Variants in RUFY3 observed in about 807,000 individuals in gnomAD.
The protein encoded by RUFY3 is protein RUFY3.
A neutral mutation model predicts 84.0 loss-of-function variants in RUFY3; 34 were observed. The ratio of observed to expected loss-of-function variants is 0.40; its 90% CI spans 0.31 to 0.54. The LOEUF (loss-of-function observed/expected upper bound fraction) is 0.54. RUFY3 is among the 20% of genes least tolerant of loss of function. The probability of loss-of-function intolerance (pLI) is 0.39; values close to 1 mark genes in which losing one functional copy is unlikely to be tolerated. For missense variants in RUFY3, 507 were observed against 736.8 expected, an observed-to-expected ratio of 0.69 and a Z score of 3.61; for synonymous variants, 242 against 252.9, an observed-to-expected ratio of 0.96 and a Z score of 0.41.
At chr4:70,727,830 A>C (rs1718535892) in intron 1 of RUFY3, among the ~76,000 whole-genome samples, 1 of 151,972 alleles carries the variant, frequency 6.6e-6, no homozygotes, top group African/African-American at 2.4e-5. Context: ...TCACCAATAC[A>C]TGTTATGTAT....
chr4:70,733,586 C>A (rs538514443), intron 1 of RUFY3, among the ~76,000 whole-genome samples: 8 of 152,244 alleles, frequency 5.3e-5, no homozygotes, highest in African/African-American at 1.7e-4. Flanking sequence ...TTGAGAGCAA[C>A]TTAAATAGCC....
chr4:70,787,820 G>A (rs1001838110), intron 10 of RUFY3, among the ~76,000 whole-genome samples: 1 of 152,092 alleles, frequency 6.6e-6, no homozygotes, highest in Non-Finnish European at 1.5e-5. Context: ...ATCACAGTAA[G>A]ACAAATGTTT....
At chr4:70,774,913 A>G (rs1421113675) in intron 6 of RUFY3, among the ~76,000 whole-genome samples, 1 of 151,840 alleles carries the variant, frequency 6.6e-6, no homozygotes, top group East Asian at 1.9e-4. Flanking sequence ...CATACCTGTG[A>G]CCTAAATTAT....
At chr4:70,746,805 A>G (rs1027185521) in intron 1 of RUFY3, among the ~76,000 whole-genome samples, 5 of 152,240 alleles carry the variant, frequency 3.3e-5, no homozygotes, top group African/African-American at 1.2e-4. Context: ...TAATGGTTGC[A>G]TACTATATGA....
At position 70,808,365 on chromosome 4, in the gene RUFY3, T is replaced by TAATA. The variant is rs1414058320; in HGVS notation, c.*1707_*1710dup. Among the ~76,000 whole-genome samples the TAATA allele has an allele frequency of 6.6e-6, 1 of 152,210 alleles. No individual in the cohort carries two copies. The highest frequency in any genetic ancestry group is 2.4e-5 in the African/African-American group (1 of 41,454). ...GCAAGAGAAGGCAAAAAACATTACATAATATTTTGATTCTGTTACGTGTGT... is the reference window on the plus strand; with the variant it reads ...GCAAGAGAAGGCAAAAAACATTACATAATAAATATTTTGATTCTGTTACGTGTGT... On this transcript the variant is annotated 3_prime_UTR_variant, in exon 18 of 18. Coordinates refer to ENST00000381006, the MANE Select transcript of RUFY3 (RefSeq NM_001037442.4).
intron 1 of RUFY3, among the ~76,000 whole-genome samples, chr4:70,732,359 T>C (rs1224818834): frequency 6.6e-6 from 1 of 152,226 alleles, no homozygotes; most frequent in Non-Finnish European, 1.5e-5. Context: ...TTATCGTAGA[T>C]ATCCAACAAA....
At chr4:70,772,649 T>TTTTTTATTTTTTTA (rs1179430677) in intron 5 of RUFY3, among the ~76,000 whole-genome samples, 6 of 152,056 alleles carry the variant, frequency 3.9e-5, no homozygotes, top group Non-Finnish European at 5.9e-5. Context: ...TGTGGATTTT[T>TTTTTTATTTTTTTA]TTTTTATTTT....
Position 70,762,633 on chromosome 4 carries a change from A to G in RUFY3, c.293A>G (p.Tyr98Cys), listed in dbSNP as rs780206708. The G allele has an allele frequency of 6.2e-6, 10 of 1,613,960 alleles. No homozygotes were observed. The highest frequency in any genetic ancestry group is 1.7e-4 in the Middle Eastern group (1 of 5,986). ...CTGGGGAGGACTCTTGACTCTGACTATGCACCTCTCCAGCAATTCTTTGTG... is the reference window on the plus strand; with the variant it reads ...CTGGGGAGGACTCTTGACTCTGACTGTGCACCTCTCCAGCAATTCTTTGTG... ...LNLGRTLDSD[Y>C]APLQQFFVVM... The change falls in exon 2 of 18, where the codon TAT becomes TGT. Residue 98 changes from tyrosine (Y) to cysteine (C), a missense_variant. Tyr to Cys is a radical substitution (Grantham distance 194). Coordinates refer to ENST00000381006, the MANE Select transcript of RUFY3 (RefSeq NM_001037442.4).
At position 70,784,859 on chromosome 4, in the gene RUFY3, G is replaced by A; in HGVS notation, c.1051G>A (p.Glu351Lys). ...AAGTGAAGCAAGAAAGCATTTAAAA[G>A]AAGAGACACAATTACGATTGGTAAA... The part of the protein sequence containing the change: ...ALSEARKHLK[E>K]ETQLRLDVEK... The change falls in exon 10 of 18, where the codon GAA (glutamate) becomes AAA (lysine). Residue 351 changes from glutamate to lysine, a missense_variant. By Grantham distance (56) the Glu-to-Lys change is moderately conservative (BLOSUM62 1). Transcript: ENST00000381006. 2 of 1,605,342 alleles carry A rather than the reference G, an allele frequency of 1.2e-6. No individual in the cohort carries two copies. Among genetic ancestry groups the A allele is most frequent in the Non-Finnish European group, 8.5e-7 (1 of 1,176,100 alleles).
At chr4:70,730,418 T>C (rs1306775895) in intron 1 of RUFY3, among the ~76,000 whole-genome samples, 1 of 151,798 alleles carries the variant, frequency 6.6e-6, no homozygotes, top group African/African-American at 2.4e-5. Flanking sequence ...TGAGCCTAGG[T>C]ACAACTATTA....
chr4:70,800,847 A>G (rs568784767), intron 15 of RUFY3, among the ~76,000 whole-genome samples: 20 of 152,216 alleles, frequency 1.3e-4, no homozygotes, highest in Admixed American at 7.2e-4. Flanking sequence ...GCGCCACTGC[A>G]CTCCAGCCTG....
At chr4:70,786,507 T>G (rs1175974194) in intron 10 of RUFY3, among the ~76,000 whole-genome samples, 1 of 152,076 alleles carries the variant, frequency 6.6e-6, no homozygotes, top group Non-Finnish European at 1.5e-5. Context: ...ACCCATCACC[T>G]TAAATATTTG....
intron 1 of RUFY3, among the ~76,000 whole-genome samples, chr4:70,709,892 C>G (rs1308064762): frequency 6.6e-6 from 1 of 152,204 alleles, no homozygotes; most frequent in Non-Finnish European, 1.5e-5. Context: ...TCCCACTCAC[C>G]AAGTAGCAGC....
At position 70,808,499 on chromosome 4, in the gene RUFY3, C is replaced by T. The variant is rs1021619597; in HGVS notation, c.*1840C>T. The stretch of plus-strand genomic sequence containing the variant: ...AACCATGTTTTTTAATAAATTCTGT[C>T]TCTTGGAAAGAGTTAACAACAGCCT... On this transcript the variant is annotated 3_prime_UTR_variant, in exon 18 of 18. Coordinates refer to ENST00000381006, the MANE Select transcript of RUFY3 (RefSeq NM_001037442.4). Among the ~76,000 whole-genome samples the T allele has an allele frequency of 9.9e-5, 15 of 152,010 alleles. No individual in the cohort carries two copies. The highest frequency in any genetic ancestry group is 3.1e-4 in the African/African-American group (13 of 41,402).
At chr4:70,793,527 G>A in intron 12 of RUFY3, 1 of 1,335,678 alleles carries the variant, frequency 7.5e-7, no homozygotes, top group Non-Finnish European at 9.6e-7. Flanking sequence ...GCTGTAAACT[G>A]TAGTACTAGA....
intron 9 of RUFY3, among the ~76,000 whole-genome samples, chr4:70,784,508 A>G (rs1190620571): frequency 6.6e-6 from 1 of 151,936 alleles, no homozygotes; most frequent in Non-Finnish European, 1.5e-5. Context: ...AAAACCTATA[A>G]CCCAACTCAT....
Position 70,778,441 on chromosome 4 carries a change from A to G in RUFY3, c.894+3A>G. ...CCAACACTAAACTGACAGAGGAGGT[A>G]AGTTTTGGAAATGCTTTGATTGACT... On this transcript the variant is annotated splice_donor_region_variant and intron_variant, in intron 8 of 17. Coordinates refer to ENST00000381006, the MANE Select transcript of RUFY3 (RefSeq NM_001037442.4). 6.4e-7 allele frequency: 1 copy of G among 1,555,994 alleles called. No homozygotes were observed. The highest frequency in any genetic ancestry group is 8.9e-7 in the Non-Finnish European group (1 of 1,128,750).
chr4:70,720,153 G>A (rs1014981144), upstream of RUFY3, among the ~76,000 whole-genome samples: 1 of 152,054 alleles, frequency 6.6e-6, no homozygotes, highest in Non-Finnish European at 1.5e-5. Context: ...CTGGCCTCAC[G>A]TGATTCTTCC....
intron 15 of RUFY3, among the ~76,000 whole-genome samples, chr4:70,800,458 A>G (rs969381557): frequency 1.3e-5 from 2 of 152,248 alleles, no homozygotes; most frequent in Non-Finnish European, 1.5e-5. Context: ...CCAAGCTCAG[A>G]TTATCACTTA....
Sources: allele counts gnomAD v4.1 joint callset (sites outside exome capture counted in the v4.1 genomes callset), GRCh38; gene constraint gnomAD v4.1.1; transcripts MANE v1.5; gene names NCBI Gene and HGNC (gene_info 2026-07-23, HGNC 2026-07-21).